The following RABL6 variants were observed in gnomAD, a reference collection of about 807,000 sequenced individuals.
RABL6 encodes rab-like protein 6.
A neutral mutation model predicts 72.9 loss-of-function variants in RABL6; 28 were observed. That is an observed-to-expected ratio of 0.38 (90% CI 0.28 to 0.53). The LOEUF (loss-of-function observed/expected upper bound fraction) is 0.53, where lower values mean the gene tolerates loss of function less well. Among genes scored for constraint, RABL6 ranks in the 20% least tolerant of loss-of-function variants. The probability of loss-of-function intolerance (pLI) is 0.80; values close to 1 mark genes in which losing one functional copy is unlikely to be tolerated. For synonymous variants in RABL6, 477 were observed against 421.2 expected (o/e 1.13, Z -1.62); for missense variants, 1,029 against 1,008.4 (o/e 1.02, Z -0.28).
Position 136,826,139 on chromosome 9 carries a change from C to T in RABL6, c.313+313C>T, listed in dbSNP as rs139830936. On this transcript the variant is annotated intron_variant, in intron 3 of 14. Coordinates refer to ENST00000311502, the MANE Select transcript of RABL6 (RefSeq NM_024718.5). The surrounding 1 kb of genome is among the most constrained non-coding windows in gnomAD (Gnocchi z 4.9). ...CCAGGGTGCTATTTTGGGAGCCCTC[C>T]TCCTGCACTGCCTGGCGGAGTAGCC... is the stretch of plus-strand genomic sequence containing the variant. 5.1e-4 allele frequency among the ~76,000 whole-genome samples: 78 copies of T among 152,298 alleles called. No individual in the cohort carries two copies. Among genetic ancestry groups the T allele is most frequent in the African/African-American group, 1.8e-3 (74 of 41,564 alleles).
chr9:136,837,257 C>T, intron 8 of RABL6, 89 bp from the exon 9 acceptor site: 1 of 1,270,308 alleles, frequency 7.9e-7, no homozygotes, highest in Non-Finnish European at 1.1e-6. Context: ...TTCCCAGCCC[C>T]AGCAGCAGCA....
In RABL6 at chr9:136,837,573, C is replaced by G; in HGVS notation, c.1037C>G (p.Ala346Gly). The G allele has an allele frequency of 5.1e-6, 8 of 1,579,310 alleles. No individual in the cohort carries two copies. The highest frequency in any genetic ancestry group is 6.9e-6 in the Non-Finnish European group (8 of 1,165,516). Reference protein sequence around the residue: ...VPPSEALPPPACPSAPAPRRS... With the variant: ...VPPSEALPPPGCPSAPAPRRS... ...CCCTCAGAGGCCCTGCCCCCACCTG[C>G]GTGCCCCTCAGCCCCCGCCCCACGG... The change falls in exon 9 of 15, where the codon GCG (alanine) becomes GGG (glycine). Residue 346 changes from alanine (A) to glycine (G), a missense_variant. Physicochemically the swap from Ala to Gly is moderately conservative, Grantham distance 60. This residue lies in a region of RABL6 where 434 missense variants were observed against 536.1 expected (regional missense o/e 0.81). Coordinates refer to ENST00000311502, the MANE Select transcript of RABL6 (RefSeq NM_024718.5).
chr9:136,825,446 CCGGGGAGGGAGGGG>C (rs1318891962), intron 2 of RABL6, among the ~76,000 whole-genome samples: 1 of 149,612 alleles, frequency 6.7e-6, no homozygotes, highest in Non-Finnish European at 1.5e-5. Flanking sequence ...AGGATCGGGG[CCGGGGAGGGAGGGG>C]CCGTGCCCAG....
intron 1 of RABL6, 94 bp from the exon 2 acceptor site, chr9:136,823,431 C>A (rs1220709792): frequency 1.3e-6 from 2 of 1,488,790 alleles, no homozygotes; most frequent in African/African-American, 2.8e-5. Flanking sequence ...AAACAGGTGG[C>A]AGCAGAACCG....
At chr9:136,833,859 C>T in intron 7 of RABL6, 2 of 1,550,550 alleles carry the variant, frequency 1.3e-6, no homozygotes, top group Non-Finnish European at 1.7e-6. Flanking sequence ...CCTGTGCCGG[C>T]ACTGCTGGGG....
At position 136,840,188 on chromosome 9, in the gene RABL6, G is replaced by A. The variant is rs779299268; in HGVS notation, c.1965G>A (p.Lys655=). The change falls in exon 14 of 15, where the codon AAG becomes AAA. Residue 655 remains lysine, a synonymous_variant. Transcript: ENST00000311502. ...GCAAAACCCCCTCTAAGGAGAAGAA[G>A]AAGAAGAAGAAAAAAGGCAAAGAGG... ...KEGKTPSKEK[K]KKKKKGKEEE... 1.4e-5 allele frequency: 22 copies of A among 1,612,760 alleles called. No individual in the cohort carries two copies. Among genetic ancestry groups the A allele is most frequent in the East Asian group, 4.5e-5 (2 of 44,880 alleles).
chr9:136,837,006 T>TG (rs1475028311), intron 8 of RABL6: 1 of 416,802 alleles, frequency 2.4e-6, no homozygotes, highest in Admixed American at 3.6e-5. Context: ...CCCAAGTAGC[T>TG]GGGGCTACAG....
chr9:136,813,585 C>A, intron 1 of RABL6: 1 of 344,504 alleles, frequency 2.9e-6, no homozygotes, highest in South Asian at 3.5e-5. Flanking sequence ...CCCATCCTTG[C>A]TGACTAATCC....
chr9:136,837,815 G>A, intron 9 of RABL6, 47 bp from the exon 10 acceptor site: 1 of 1,543,606 alleles, frequency 6.5e-7, no homozygotes, highest in Middle Eastern at 2.3e-4. Context: ...TGGGTGCAGT[G>A]AGGGTTCTGG....
intron 1 of RABL6, chr9:136,808,530 A>AGGAGAG: frequency 1.3e-5 from 5 of 373,732 alleles, no homozygotes; most frequent in Non-Finnish European, 2.1e-5. Context: ...GCGGCCCCCG[A>AGGAGAG]GCCGCGGGTC....
At chr9:136,830,664 G>C (rs1277571215) in intron 5 of RABL6, among the ~76,000 whole-genome samples, 1 of 152,242 alleles carries the variant, frequency 6.6e-6, no homozygotes, top group Non-Finnish European at 1.5e-5. Flanking sequence ...TGGCCTCCAC[G>C]GCACCTCCCA....
At chr9:136,824,369 C>T (rs571084816) in intron 2 of RABL6, among the ~76,000 whole-genome samples, 9 of 128,706 alleles carry the variant, frequency 7.0e-5, no homozygotes, top group African/African-American at 1.2e-4. Flanking sequence ...GTCTCACTGT[C>T]GCCCAGACTG....
At chr9:136,812,916 C>G (rs1032493577) in intron 1 of RABL6, 2 of 346,370 alleles carry the variant, frequency 5.8e-6, no homozygotes, top group Admixed American at 6.4e-5. Context: ...CCATCACAAC[C>G]CCAAAGCCAC....
rs1307783391 is a variant in RABL6 at position 136,829,495 on chromosome 9, G to A, written c.458+11G>A. On this transcript the variant is annotated intron_variant, in intron 5 of 14. Coordinates refer to ENST00000311502, the MANE Select transcript of RABL6 (RefSeq NM_024718.5). Reference sequence around the variant, plus strand: ...CATTACCAAGCAGTGGTAAGAGGGAGCTGGCGGGGGCAGCTGCCTGTGACT... The same window carrying A: ...CATTACCAAGCAGTGGTAAGAGGGAACTGGCGGGGGCAGCTGCCTGTGACT... 1 of 1,565,582 alleles carries A rather than the reference G, an allele frequency of 6.4e-7. No individual in the cohort carries two copies.
chr9:136,831,562 TC>T (rs1848474313), intron 5 of RABL6, among the ~76,000 whole-genome samples, 158 bp from the exon 6 acceptor site: 1 of 152,020 alleles, frequency 6.6e-6, no homozygotes, highest in African/African-American at 2.4e-5. Flanking sequence ...TCGAGGCACT[TC>T]CCTCTAGCTC....
rs910714234 is a variant in RABL6, at chr9:136,838,856, G to A, written c.1281-53G>A. On this transcript the variant is annotated intron_variant, in intron 10 of 14. Coordinates refer to ENST00000311502, the MANE Select transcript of RABL6 (RefSeq NM_024718.5). ...GCCTAGAACCAAGGCCCGTGAGCCCGGCCAGCCATCCCTACCCCGTGGCCC... is the reference window on the plus strand; with the variant it reads ...GCCTAGAACCAAGGCCCGTGAGCCCAGCCAGCCATCCCTACCCCGTGGCCC... 50 of 1,451,710 alleles carry A rather than the reference G, an allele frequency of 3.4e-5. 1 individual carries two copies. The highest frequency in any genetic ancestry group is 7.1e-5 in the African/African-American group (5 of 70,334). 89.9% of individuals were successfully genotyped at this position (1,451,710 alleles called of 1,614,324 possible).
chr9:136,829,470 C>T lies in RABL6; in HGVS notation c.444C>T (p.Asp148=). ...KNCNGVVMMF[D]ITKQWTFNYI... ...GCAACGGGGTGGTCATGATGTTCGA[C>T]ATTACCAAGCAGTGGTAAGAGGGAG... Residue 148 remains aspartate, a synonymous_variant, in exon 5 of 15, where the codon GAC becomes GAT. Coordinates refer to ENST00000311502, the MANE Select transcript of RABL6 (RefSeq NM_024718.5). 1 of 1,583,134 alleles carries T rather than the reference C, an allele frequency of 6.3e-7. No individual in the cohort carries two copies.
At chr9:136,834,310 C>G in intron 7 of RABL6, 1 of 1,026,644 alleles carries the variant, frequency 9.7e-7, no homozygotes, top group Non-Finnish European at 1.2e-6. Flanking sequence ...GCCACAATAA[C>G]AAATTGAAAA....
intron 1 of RABL6, among the ~76,000 whole-genome samples, chr9:136,818,226 G>A (rs1485184018): frequency 1.3e-5 from 2 of 150,966 alleles, no homozygotes; most frequent in Non-Finnish European, 2.9e-5. Flanking sequence ...AGACGGGCGT[G>A]GTGGCGGGCG....
Sources: allele counts gnomAD v4.1 joint callset (sites outside exome capture counted in the v4.1 genomes callset), GRCh38; gene constraint gnomAD v4.1.1; regional missense constraint gnomAD v4.1.1; non-coding constraint Gnocchi (gnomAD v3.1); transcripts MANE v1.5; gene names NCBI Gene and HGNC (gene_info 2026-07-23, HGNC 2026-07-21).